The following GBE1 variants were observed in gnomAD, a reference collection of about 807,000 sequenced individuals.
GBE1 encodes the protein 1,4-alpha-glucan-branching enzyme.
Under a neutral mutation model 88.8 loss-of-function variants are expected in GBE1, and 70 were observed. That is an observed-to-expected ratio of 0.79 (90% CI 0.65 to 0.96). GBE1 has a LOEUF of 0.96. Ranked by LOEUF, GBE1 falls within the 40% of genes least tolerant of loss-of-function variation. The pLI is 0.00. For missense variants in GBE1, 872 were observed against 871.0 expected (o/e 1.00, Z -0.01); for synonymous variants, 284 against 300.1 (o/e 0.95, Z 0.56).
intron 7 of GBE1, among the ~76,000 whole-genome samples, chr3:81,617,645 C>T (rs1008566916): frequency 2.0e-5 from 3 of 151,642 alleles, no homozygotes; most frequent in Non-Finnish European, 3.0e-5. Flanking sequence ...GAATTTTGCT[C>T]CTAATTCACG....
chr3:81,723,853 G>A (rs545220733), intron 1 of GBE1, among the ~76,000 whole-genome samples: 22 of 152,294 alleles, frequency 1.4e-4, no homozygotes, highest in Non-Finnish European at 3.1e-4. Flanking sequence ...CACTCTATCT[G>A]CTTTGCTTCC....
At chr3:81,697,628 G>A (rs1705619744) in intron 2 of GBE1, among the ~76,000 whole-genome samples, 1 of 152,116 alleles carries the variant, frequency 6.6e-6, no homozygotes, top group Non-Finnish European at 1.5e-5. Context: ...TGCCCTCTCT[G>A]GGCAAGCCAC....
rs1186218300 is a variant in GBE1, at chr3:81,553,608, G to T, written c.1619-16513C>A. On this transcript the variant is annotated intron_variant, in intron 12 of 15. Transcript: ENST00000429644. ...CTTTTTTTTTTTTTTTGAATACCCA[G>T]TTGAAGTATAGAGACAGATAAAAAA... 8.5e-5 allele frequency among the ~76,000 whole-genome samples: 12 copies of T among 141,614 alleles called. 1 individual carries two copies. Among genetic ancestry groups the T allele is most frequent in the South Asian group, 6.5e-4 (3 of 4,582 alleles). The allele number at this position is 141,614 out of a possible 152,430, so 92.9% of individuals were successfully genotyped here.
At chr3:81,502,641 T>C (rs1230786587) in intron 14 of GBE1, among the ~76,000 whole-genome samples, 1 of 152,240 alleles carries the variant, frequency 6.6e-6, no homozygotes, top group African/African-American at 2.4e-5. Context: ...TTAGGAATAC[T>C]GCTTAGAATT....
intron 14 of GBE1, among the ~76,000 whole-genome samples, chr3:81,512,134 G>A (rs1236422265): frequency 6.6e-6 from 1 of 151,968 alleles, no homozygotes; most frequent in Non-Finnish European, 1.5e-5. Flanking sequence ...ATAAGTGGGA[G>A]CTAAACATTG....
intron 2 of GBE1, among the ~76,000 whole-genome samples, chr3:81,703,755 G>A (rs1336169500): frequency 6.6e-6 from 1 of 151,864 alleles, no homozygotes; most frequent in African/African-American, 2.4e-5. Context: ...AAAGTGGATG[G>A]TTGCATCTGT....
rs779869964 is a variant in GBE1 at position 81,761,513 on chromosome 3, G to T, written c.5C>A (p.Ala2Glu). ...CCGAGCCGCGGGAGTCATCGGAGCC[G>T]CCATATTCCGCCGCAGTCCAAGTAG... is the stretch of plus-strand genomic sequence containing the variant. MAAPMTPAARPE... is the reference protein window; with the variant it reads MEAPMTPAARPE... The change falls in exon 1 of 16, where the codon GCG becomes GAG. Residue 2 changes from alanine (A) to glutamate (E), a missense_variant. Physicochemically the swap from Ala to Glu is moderately radical, Grantham distance 107. Transcript: ENST00000429644. 5 of 1,607,332 alleles carry T rather than the reference G, an allele frequency of 3.1e-6. No individual in the cohort carries two copies. In the East Asian group the frequency reaches 9.0e-5, roughly 29 times the overall value.
intron 12 of GBE1, among the ~76,000 whole-genome samples, chr3:81,560,920 A>G (rs1233257115): frequency 6.6e-6 from 1 of 152,032 alleles, no homozygotes; most frequent in Non-Finnish European, 1.5e-5. Context: ...AAGCATTTCT[A>G]CAGAACTGTT....
intron 2 of GBE1, among the ~76,000 whole-genome samples, chr3:81,671,192 C>T (rs969299665): frequency 9.2e-5 from 14 of 152,072 alleles, no homozygotes; most frequent in Admixed American, 7.9e-4. Flanking sequence ...AAGACTATAA[C>T]ATTTTCAGTT....
At chr3:81,619,202 A>G (rs570650498) in intron 7 of GBE1, among the ~76,000 whole-genome samples, 2 of 152,216 alleles carry the variant, frequency 1.3e-5, no homozygotes, top group Admixed American at 1.3e-4. Context: ...CACCATGGCT[A>G]AACTATGCAT....
intron 10 of GBE1, among the ~76,000 whole-genome samples, chr3:81,583,972 C>T (rs1274617479): frequency 1.3e-5 from 2 of 151,776 alleles, no homozygotes; most frequent in African/African-American, 2.4e-5. Flanking sequence ...TACAATTATC[C>T]TAATATCTCA....
chr3:81,526,453 A>G (rs997952300), intron 14 of GBE1, among the ~76,000 whole-genome samples: 2 of 152,098 alleles, frequency 1.3e-5, no homozygotes, highest in Non-Finnish European at 2.9e-5. Context: ...AGATGACATG[A>G]TTGTATATCT....
At chr3:81,720,716 C>A (rs1706015427) in intron 1 of GBE1, among the ~76,000 whole-genome samples, 1 of 151,938 alleles carries the variant, frequency 6.6e-6, no homozygotes, top group South Asian at 2.1e-4. Flanking sequence ...GAGCATAATG[C>A]TACAAGCAGA....
Position 81,646,585 on chromosome 3 carries a change from A to C in GBE1, c.692-103T>G, listed in dbSNP as rs1313454363. The C allele has an allele frequency of 1.0e-5, 7 of 674,186 alleles. No individual in the cohort carries two copies. The East Asian group carries it at 1.7e-4, about 17-fold the overall frequency. The allele number at this position is 674,186 out of a possible 1,614,324, so 41.8% of individuals were successfully genotyped here. A position where few individuals can be genotyped will look rare whatever the true frequency, so the allele number is the denominator to read the frequency against. On this transcript the variant is annotated intron_variant, in intron 5 of 15. Coordinates refer to ENST00000429644, the MANE Select transcript of GBE1 (RefSeq NM_000158.4). ...TCCAAATACATTAAAATTTACAAAC[A>C]ATCTAGAAGCTTTGGTCGTCTTGAA...
chr3:81,530,254 T>C (rs1702994705), intron 14 of GBE1, among the ~76,000 whole-genome samples: 1 of 151,806 alleles, frequency 6.6e-6, no homozygotes, highest in Non-Finnish European at 1.5e-5. Context: ...ACGAGCTTCC[T>C]CAAAATTGCT....
chr3:81,561,884 G>C (rs1429905138), intron 12 of GBE1, among the ~76,000 whole-genome samples: 1 of 152,048 alleles, frequency 6.6e-6, no homozygotes, highest in Non-Finnish European at 1.5e-5. Flanking sequence ...ACTACACAGA[G>C]GATCAGCATG....
At chr3:81,535,086 G>T in intron 14 of GBE1, 109 bp downstream of exon 14, 1 of 998,970 alleles carries the variant, frequency 1.0e-6, no homozygotes. Flanking sequence ...TGAGGAAAAT[G>T]AATGTTTCTG....
At chr3:81,755,033 A>G (rs1706582769) in intron 1 of GBE1, among the ~76,000 whole-genome samples, 1 of 152,176 alleles carries the variant, frequency 6.6e-6, no homozygotes, top group Admixed American at 6.5e-5. Context: ...AACAAAGTAA[A>G]CAGACAACCC....
intron 3 of GBE1, among the ~76,000 whole-genome samples, chr3:81,669,038 G>A (rs1197880402): frequency 2.6e-5 from 4 of 152,160 alleles, no homozygotes; most frequent in Non-Finnish European, 5.9e-5. Flanking sequence ...TTGAACTAGT[G>A]AAAATATGAA....
Sources: gnomAD v4.1 joint callset for allele counts (sites outside exome capture counted in the v4.1 genomes callset) on GRCh38, gnomAD v4.1.1 for gene constraint, MANE v1.5 for transcripts, NCBI Gene and HGNC (gene_info 2026-07-23, HGNC 2026-07-21) for gene names.